TRPC4: variants seen among roughly 807,000 people sequenced by gnomAD.
The protein encoded by TRPC4 is transient receptor potential cation channel subfamily C member 4, also known as short transient receptor potential channel 4.
Under a neutral mutation model 99.4 loss-of-function variants are expected in TRPC4, and 49 were observed. That is an observed-to-expected ratio of 0.49 (90% confidence interval 0.39 to 0.63). The LOEUF (loss-of-function observed/expected upper bound fraction) is 0.63. Among genes scored for constraint, TRPC4 ranks in the 20% least tolerant of loss-of-function variants. The probability of loss-of-function intolerance (pLI) is 0.00; values close to 1 mark genes in which losing one functional copy is unlikely to be tolerated. For synonymous variants in TRPC4, 454 were observed against 425.9 expected (o/e 1.07, Z -0.81); for missense variants, 898 against 1,152.9 (o/e 0.78, Z 3.20).
intron 1 of TRPC4, among the ~76,000 whole-genome samples, chr13:37,847,411 G>A (rs1282456639): frequency 6.6e-6 from 1 of 152,050 alleles, no homozygotes; most frequent in African/African-American, 2.4e-5. Context: ...ACACAAGCAT[G>A]TGGAAATTGG....
chr13:37,695,087 A>G (rs1396456449), intron 3 of TRPC4, among the ~76,000 whole-genome samples: 1 of 152,136 alleles, frequency 6.6e-6, no homozygotes, highest in South Asian at 2.1e-4. Context: ...GGGATTTTTC[A>G]GTCTTTAATT....
At chr13:37,759,558 A>T (rs942204545) in intron 2 of TRPC4, among the ~76,000 whole-genome samples, 1 of 151,920 alleles carries the variant, frequency 6.6e-6, no homozygotes, top group African/African-American at 2.4e-5. Flanking sequence ...TAAGCAATCC[A>T]ATGGATCAAC....
intron 1 of TRPC4, among the ~76,000 whole-genome samples, chr13:37,785,911 C>T (rs1466178845): frequency 2.0e-5 from 3 of 151,912 alleles, no homozygotes; most frequent in East Asian, 3.9e-4. Context: ...ATAACTTCCA[C>T]AAATGTAAAC....
At position 37,745,939 on chromosome 13, in the gene TRPC4, C is replaced by G; in HGVS notation, c.895G>C (p.Glu299Gln). 6.2e-7 allele frequency: 1 copy of G among 1,609,856 alleles called. No homozygotes were observed. The highest frequency in any genetic ancestry group is 8.5e-7 in the Non-Finnish European group (1 of 1,177,318). ...GGATCAAGTCTGGCAACACTCACCT[C>G]TTTTTGACGGTACTTAATGGCCAAT... Reference protein sequence around the residue: ...LKLAIKYRQKEFVAQPNCQQL... With the variant: ...LKLAIKYRQKQFVAQPNCQQL... The change falls in exon 3 of 11, where the codon GAG becomes CAG. Residue 299 changes from glutamate to glutamine, a missense_variant and splice_region_variant. This residue lies in a region of TRPC4 where 274 missense variants were observed against 454.9 expected (regional missense o/e 0.60). Transcript: ENST00000379705.
intron 3 of TRPC4, among the ~76,000 whole-genome samples, chr13:37,724,526 ATTATAATTAT>A (rs1954975195): frequency 6.6e-6 from 1 of 152,180 alleles, no homozygotes. Context: ...ATGAATTGTT[ATTATAATTAT>A]GAAGTTCTAG....
At chr13:37,734,734 C>T (rs780265730) in intron 3 of TRPC4, among the ~76,000 whole-genome samples, 2 of 152,020 alleles carry the variant, frequency 1.3e-5, no homozygotes, top group East Asian at 1.9e-4. Flanking sequence ...CTACATGTCC[C>T]GGAGCTGCCT....
At chr13:37,791,400 A>T (rs867036172) in intron 1 of TRPC4, among the ~76,000 whole-genome samples, 539 of 33,010 alleles carry the variant, frequency 0.016, 8 homozygotes, top group South Asian at 0.038. Context: ...TGTCTCAATA[A>T]AAAAAAAAAA....
At chr13:37,669,959 G>A (rs1952780176) in intron 5 of TRPC4, among the ~76,000 whole-genome samples, 1 of 152,110 alleles carries the variant, frequency 6.6e-6, no homozygotes. Flanking sequence ...ATTTTTGGGA[G>A]GTAATTAGGT....
chr13:37,728,800 T>G (rs1387980401), intron 3 of TRPC4, among the ~76,000 whole-genome samples: 1 of 152,032 alleles, frequency 6.6e-6, no homozygotes, highest in African/African-American at 2.4e-5. Flanking sequence ...GTTACTGTAA[T>G]GAAAACATTA....
At chr13:37,717,619 T>C (rs530897846) in intron 3 of TRPC4, among the ~76,000 whole-genome samples, 2 of 152,190 alleles carry the variant, frequency 1.3e-5, no homozygotes, top group African/African-American at 4.8e-5. Flanking sequence ...AAATGAAATA[T>C]AGAGGGAAGA....
chr13:37,781,099 T>A (rs1434389391), intron 2 of TRPC4, among the ~76,000 whole-genome samples: 1 of 152,062 alleles, frequency 6.6e-6, no homozygotes, highest in East Asian at 1.9e-4. Context: ...ACAAACACTC[T>A]CATAATAGCA....
At chr13:37,663,796 AC>A in intron 5 of TRPC4, 67 bp from the exon 6 acceptor site, 2 of 1,360,272 alleles carry the variant, frequency 1.5e-6, no homozygotes, top group Non-Finnish European at 2.0e-6. Context: ...TCAAGGTCAG[AC>A]CCAGAAGGAA....
intron 3 of TRPC4, among the ~76,000 whole-genome samples, chr13:37,702,477 C>T (rs1322346735): frequency 6.6e-6 from 1 of 151,978 alleles, no homozygotes; most frequent in East Asian, 1.9e-4. Flanking sequence ...ATTTTAAAAA[C>T]CAGATAACTT....
At chr13:37,734,958 G>C (rs1341746194) in intron 3 of TRPC4, among the ~76,000 whole-genome samples, 1 of 152,052 alleles carries the variant, frequency 6.6e-6, no homozygotes, top group East Asian at 1.9e-4. Flanking sequence ...CTCCAAAGGA[G>C]AAAGGGAATA....
At chr13:37,660,800 T>G (rs9566251) in intron 6 of TRPC4, among the ~76,000 whole-genome samples, 1 of 151,856 alleles carries the variant, frequency 6.6e-6, no homozygotes, top group Admixed American at 6.6e-5. Flanking sequence ...ATTTATGAAA[T>G]GTACAGAATT....
chr13:37,827,646 C>G (rs1297473409), intron 1 of TRPC4, among the ~76,000 whole-genome samples: 1 of 150,808 alleles, frequency 6.6e-6, no homozygotes, highest in African/African-American at 2.4e-5. Context: ...TCTCCAGCTG[C>G]GTACTGGGAG....
intron 1 of TRPC4, among the ~76,000 whole-genome samples, chr13:37,846,371 G>A (rs1385381528): frequency 6.6e-6 from 1 of 152,036 alleles, no homozygotes; most frequent in Non-Finnish European, 1.5e-5. Flanking sequence ...AATAATTGCA[G>A]CAACAATAAA....
chr13:37,717,495 GTTA>G (rs1226995180), intron 3 of TRPC4, among the ~76,000 whole-genome samples: 2 of 152,110 alleles, frequency 1.3e-5, no homozygotes, highest in African/African-American at 4.8e-5. Flanking sequence ...TTTATGAGCT[GTTA>G]TGGTCTCAAT....
chr13:37,721,234 A>G (rs1480752222), intron 3 of TRPC4, among the ~76,000 whole-genome samples: 1 of 152,174 alleles, frequency 6.6e-6, no homozygotes, highest in African/African-American at 2.4e-5. Context: ...ATTTCCTTCA[A>G]TAATGTCTTG....
Sources: allele counts gnomAD v4.1 joint callset (sites outside exome capture counted in the v4.1 genomes callset), GRCh38; gene constraint gnomAD v4.1.1; regional missense constraint gnomAD v4.1.1; transcripts MANE v1.5; gene names NCBI Gene and HGNC (gene_info 2026-07-23, HGNC 2026-07-21).